The following SLC27A1 variants were observed in gnomAD, a reference collection of about 807,000 sequenced individuals.
The protein encoded by SLC27A1 is solute carrier family 27 member 1.
Under a neutral mutation model 62.2 loss-of-function variants are expected in SLC27A1, and 61 were observed. The observed-to-expected ratio is 0.98, with a 90% CI of 0.80 to 1.21. The LOEUF (loss-of-function observed/expected upper bound fraction) is 1.21. SLC27A1 is among the 50% of genes most tolerant of loss of function. The pLI is 0.00. For synonymous variants in SLC27A1, 435 were observed against 408.6 expected (o/e 1.06, Z -0.78); for missense variants, 903 against 932.1 (o/e 0.97, Z 0.41).
Position 17,470,677 on chromosome 19 carries a change from T to C in SLC27A1, c.137T>C (p.Ile46Thr). The C allele has an allele frequency of 6.3e-7, 1 of 1,580,360 alleles. No individual in the cohort carries two copies. The highest frequency in any genetic ancestry group is 1.1e-5 in the South Asian group (1 of 88,280). ...VGSGGWRFLR[I>T]VCKTARRDLF... ...AGCGGCGGCTGGCGCTTCCTGCGCATCGTCTGCAAGACCGCGAGGCGAGAC... is the reference window on the plus strand; with the variant it reads ...AGCGGCGGCTGGCGCTTCCTGCGCACCGTCTGCAAGACCGCGAGGCGAGAC... The change falls in exon 1 of 12, where the codon ATC (isoleucine) becomes ACC (threonine). Residue 46 changes from isoleucine to threonine, a missense_variant. Transcript: ENST00000252595.
rs1402684316 is a variant in SLC27A1, at chr19:17,470,553, G to A, written c.13G>A (p.Gly5Ser). Residue 5 changes from glycine to serine, a missense_variant, in exon 1 of 12, where the codon GGT becomes AGT. Coordinates refer to ENST00000252595, the MANE Select transcript of SLC27A1 (RefSeq NM_198580.3). MRAP[G>S]AGAASVVSLA... ...CTGCTTCCCCAGGATGCGGGCTCCGGGTGCGGGCGCGGCCTCGGTGGTCTC... is the reference window on the plus strand; with the variant it reads ...CTGCTTCCCCAGGATGCGGGCTCCGAGTGCGGGCGCGGCCTCGGTGGTCTC... 6.4e-7 allele frequency: 1 copy of A among 1,561,122 alleles called. No individual in the cohort carries two copies. Among genetic ancestry groups the A allele is most frequent in the South Asian group, 1.2e-5 (1 of 86,612 alleles).
intron 1 of SLC27A1, among the ~76,000 whole-genome samples, chr19:17,479,175 G>A (rs1425157398): frequency 6.6e-6 from 1 of 152,130 alleles, no homozygotes; most frequent in Non-Finnish European, 1.5e-5. Flanking sequence ...GGAGGCCGAG[G>A]CAGGCGGATC....
chr19:17,474,523 G>T (rs1199091042), intron 1 of SLC27A1, among the ~76,000 whole-genome samples: 1 of 152,074 alleles, frequency 6.6e-6, no homozygotes, highest in Non-Finnish European at 1.5e-5. Flanking sequence ...ATACTTGCCT[G>T]TGGGTGGCAG....
chr19:17,482,248 G>A (rs1236231501), intron 1 of SLC27A1, among the ~76,000 whole-genome samples: 1 of 152,176 alleles, frequency 6.6e-6, no homozygotes, highest in East Asian at 1.9e-4. Flanking sequence ...GCCGGGCGCA[G>A]TGGCTAACGC....
chr19:17,475,276 C>T (rs1277568906), intron 1 of SLC27A1, among the ~76,000 whole-genome samples: 2 of 152,120 alleles, frequency 1.3e-5, no homozygotes, highest in East Asian at 1.9e-4. Flanking sequence ...TGCAGAGGCT[C>T]GTGCATATAA....
At chr19:17,501,463 G>A (rs971633288) in intron 11 of SLC27A1, 44 bp downstream of exon 11, 11 of 1,590,326 alleles carry the variant, frequency 6.9e-6, no homozygotes, top group Admixed American at 1.7e-5. Flanking sequence ...ATCCATCAGT[G>A]TGTCTGTTGA....
intron 6 of SLC27A1, among the ~76,000 whole-genome samples, chr19:17,492,628 A>AAG (rs1442901153): frequency 6.7e-6 from 1 of 149,256 alleles, no homozygotes; most frequent in African/African-American, 2.5e-5. Context: ...AAAAAAAAAA[A>AAG]AAAAAAAGAA....
chr19:17,473,314 C>G (rs553776891), intron 1 of SLC27A1, among the ~76,000 whole-genome samples: 1 of 152,186 alleles, frequency 6.6e-6, no homozygotes, highest in South Asian at 2.1e-4. Context: ...AGTCATCGAT[C>G]GAGATTTCAC....
intron 1 of SLC27A1, among the ~76,000 whole-genome samples, chr19:17,471,714 G>T (rs1194969473): frequency 1.3e-5 from 2 of 152,124 alleles, no homozygotes; most frequent in Admixed American, 6.6e-5. Context: ...AGATGGGAAA[G>T]ATCCCACCGT....
rs762148001 is a variant in SLC27A1, at chr19:17,505,083, G to A, written c.*471G>A. 241 of 356,514 alleles carry A rather than the reference G, an allele frequency of 6.8e-4. No individual in the cohort carries two copies. The highest frequency in any genetic ancestry group is 1.1e-3 in the Admixed American group (28 of 26,488). 22.1% of individuals were successfully genotyped at this position (356,514 alleles called of 1,614,324 possible). The stretch of plus-strand genomic sequence containing the variant: ...TAATTTTTATATTTTTAGTAGAGAC[G>A]GGGTTTCACCATGTTGGTCAGGTTG... On this transcript the variant is annotated 3_prime_UTR_variant, in exon 12 of 12. Transcript: ENST00000252595.
intron 6 of SLC27A1, among the ~76,000 whole-genome samples, chr19:17,493,267 C>T (rs1003561164): frequency 6.7e-6 from 1 of 149,248 alleles, no homozygotes; most frequent in Non-Finnish European, 1.5e-5. Flanking sequence ...AACCCCATCT[C>T]TACAAAAACA....
At chr19:17,476,883 GTTTTTTTTT>G (rs71162144) in intron 1 of SLC27A1, among the ~76,000 whole-genome samples, 4 of 131,822 alleles carry the variant, frequency 3.0e-5, no homozygotes. Context: ...ATGATCATCT[GTTTTTTTTT>G]TTTTTTTTTT....
chr19:17,492,571 G>A (rs1266760955), intron 6 of SLC27A1, among the ~76,000 whole-genome samples: 11 of 134,496 alleles, frequency 8.2e-5, no homozygotes, highest in Non-Finnish European at 1.5e-4. Flanking sequence ...AGCCGAGATC[G>A]CACCACTGCA....
chr19:17,470,503 G>C (rs2075063158), upstream of SLC27A1: 1 of 1,506,728 alleles, frequency 6.6e-7, no homozygotes, highest in Admixed American at 2.1e-5. Context: ...GGCGGGGCTG[G>C]AGCGGCCCGC....
intron 6 of SLC27A1, chr19:17,497,046 T>C (rs2075356951): frequency 1.9e-6 from 1 of 523,032 alleles, no homozygotes; most frequent in Non-Finnish European, 3.3e-6. Flanking sequence ...AAAAGCTGCA[T>C]CCTAGACCCT....
Position 17,488,836 on chromosome 19 carries a change from C to T in SLC27A1, c.795-12C>T, listed in dbSNP as rs1371187289. On this transcript the variant is annotated splice_polypyrimidine_tract_variant and intron_variant, in intron 4 of 11. Transcript: ENST00000252595. ...CCAGCCTCTGCCCTCCCGGCTCCCCCTCCCCCTGCAGGTACTACCGCATGG... is the reference window on the plus strand; with the variant it reads ...CCAGCCTCTGCCCTCCCGGCTCCCCTTCCCCCTGCAGGTACTACCGCATGG... 1.2e-6 allele frequency: 2 copies of T among 1,612,336 alleles called. No homozygotes were observed. The highest frequency in any genetic ancestry group is 4.5e-5 in the East Asian group (2 of 44,846).
chr19:17,479,311 G>T (rs2075153501), intron 1 of SLC27A1, among the ~76,000 whole-genome samples: 1 of 152,130 alleles, frequency 6.6e-6, no homozygotes, highest in African/African-American at 2.4e-5. Flanking sequence ...GATGCAGGGA[G>T]GCACAAAGGC....
rs1343982264 is a variant in SLC27A1, at chr19:17,489,101, T to C, written c.980T>C (p.Ile327Thr). The C allele has an allele frequency of 6.2e-7, 1 of 1,614,070 alleles. No individual in the cohort carries two copies. The highest frequency in any genetic ancestry group is 1.7e-5 in the Admixed American group (1 of 60,012). The change falls in exon 6 of 12, where the codon ATC becomes ACC. Residue 327 changes from isoleucine (I) to threonine (T), a missense_variant. Coordinates refer to ENST00000252595, the MANE Select transcript of SLC27A1 (RefSeq NM_198580.3). The stretch of plus-strand genomic sequence containing the variant: ...GCCAGCCGCTTCTGGGACGACTGCA[T>C]CAAGTACAACTGCACGGTCAGGCCC... Reference protein sequence around the residue: ...FSASRFWDDCIKYNCTVVQYI... With the variant: ...FSASRFWDDCTKYNCTVVQYI...
Position 17,504,754 on chromosome 19 carries a change from CTG to C in SLC27A1, c.*143_*144del. The stretch of plus-strand genomic sequence containing the variant: ...GCACGGCCCATCCTGGACTGAGAAA[CTG>C]GAACCTCAGAGGAACCCGTGCCTCT... On this transcript the variant is annotated 3_prime_UTR_variant, in exon 12 of 12. Transcript: ENST00000252595. 1 of 1,133,660 alleles carries C rather than the reference CTG, an allele frequency of 8.8e-7. No homozygotes were observed. Among genetic ancestry groups the C allele is most frequent in the Non-Finnish European group, 1.3e-6 (1 of 776,718 alleles). The allele number at this position is 1,133,660 out of a possible 1,614,324, so 70.2% of individuals were successfully genotyped here.
Sources: gnomAD v4.1 joint callset for allele counts (sites outside exome capture counted in the v4.1 genomes callset) on GRCh38, gnomAD v4.1.1 for gene constraint, MANE v1.5 for transcripts, NCBI Gene and HGNC (gene_info 2026-07-23, HGNC 2026-07-21) for gene names.